Variants in ARHGAP32 observed in about 807,000 individuals in gnomAD.
The protein encoded by ARHGAP32 is Rho GTPase activating protein 32.
In ARHGAP32, 51 loss-of-function variants were observed where a neutral mutation model predicts 186.5. The observed-to-expected ratio is 0.27, with a 90% CI of 0.22 to 0.35. The LOEUF (loss-of-function observed/expected upper bound fraction) is 0.35. Ranked by LOEUF, ARHGAP32 falls within the 10% of genes least tolerant of loss-of-function variation. The pLI, the probability that ARHGAP32 is intolerant of heterozygous loss-of-function variation, is 1.00. For missense variants in ARHGAP32, 2,186 were observed against 2,623.5 expected, an observed-to-expected ratio of 0.83 and a Z score of 3.64; for synonymous variants, 950 against 964.3, an observed-to-expected ratio of 0.99 and a Z score of 0.27.
chr11:129,115,443 A>G (rs1020652739), intron 5 of ARHGAP32, among the ~76,000 whole-genome samples: 1 of 152,128 alleles, frequency 6.6e-6, no homozygotes, highest in African/African-American at 2.4e-5. Context: ...CAGAATGGGA[A>G]TAGAGCACTG....
chr11:129,064,349 C>G (rs929382837), intron 8 of ARHGAP32, among the ~76,000 whole-genome samples: 2 of 152,092 alleles, frequency 1.3e-5, no homozygotes, highest in African/African-American at 4.8e-5. Context: ...GCCCATAGTT[C>G]TATATTCTTT....
chr11:129,245,656 AAATAAT>A (rs56047154), intron 1 of ARHGAP32, among the ~76,000 whole-genome samples: 17,173 of 146,010 alleles, frequency 0.12, 1,083 homozygotes, highest in African/African-American at 0.15. Flanking sequence ...CAACAGATTA[AAATAAT>A]AATAATAATA....
At chr11:129,218,412 A>G (rs1944671633) in intron 1 of ARHGAP32, among the ~76,000 whole-genome samples, 1 of 151,164 alleles carries the variant, frequency 6.6e-6, no homozygotes, top group East Asian at 2.0e-4. Flanking sequence ...ATGGTTCCCT[A>G]CACCTTCAAT....
chr11:129,182,485 T>C (rs889749413), intron 1 of ARHGAP32, among the ~76,000 whole-genome samples: 2 of 152,020 alleles, frequency 1.3e-5, no homozygotes, highest in Admixed American at 6.6e-5. Context: ...TTATATATTG[T>C]AATGTAGATA....
chr11:129,051,972 A>G (rs1353039134), intron 10 of ARHGAP32, among the ~76,000 whole-genome samples: 1 of 150,470 alleles, frequency 6.6e-6, no homozygotes, highest in East Asian at 2.0e-4. Context: ...AAAAAAAAAA[A>G]AAAAAAAAGA....
At chr11:129,161,456 A>G (rs2135480586) in intron 2 of ARHGAP32, among the ~76,000 whole-genome samples, 1 of 150,750 alleles carries the variant, frequency 6.6e-6, no homozygotes, top group African/African-American at 2.4e-5. Flanking sequence ...AAACAAATTT[A>G]CAAGAAAAAA....
intron 1 of ARHGAP32, among the ~76,000 whole-genome samples, chr11:129,172,164 T>A (rs1342459833): frequency 6.6e-6 from 1 of 152,202 alleles, no homozygotes; most frequent in East Asian, 1.9e-4. Context: ...CTTTATTTCT[T>A]TCTCTTGCCT....
chr11:129,273,188 T>C (rs184468682), intron 1 of ARHGAP32, among the ~76,000 whole-genome samples: 61 of 152,332 alleles, frequency 4.0e-4, no homozygotes, highest in African/African-American at 1.3e-3. Context: ...TAAAATAGTT[T>C]GTCTCCCCAT....
intron 11 of ARHGAP32, among the ~76,000 whole-genome samples, chr11:129,025,396 A>G (rs1469363206): frequency 6.6e-6 from 1 of 152,208 alleles, no homozygotes; most frequent in Non-Finnish European, 1.5e-5. Flanking sequence ...CAATAAATTT[A>G]TGTGATTTTA....
At chr11:128,971,479 C>G (rs1945372676) in intron 22 of ARHGAP32, 2 of 262,934 alleles carry the variant, frequency 7.6e-6, no homozygotes, top group Non-Finnish European at 1.4e-5. Flanking sequence ...TGCTGTAGAG[C>G]TTAAAAATAC....
chr11:129,222,863 G>C (rs762633574), intron 1 of ARHGAP32, among the ~76,000 whole-genome samples: 1 of 152,134 alleles, frequency 6.6e-6, no homozygotes, highest in Non-Finnish European at 1.5e-5. Context: ...CTGGAGTCGG[G>C]AGATGCTGTA....
intron 1 of ARHGAP32, among the ~76,000 whole-genome samples, chr11:129,239,523 A>G (rs1944986816): frequency 6.6e-6 from 1 of 152,174 alleles, no homozygotes; most frequent in African/African-American, 2.4e-5. Flanking sequence ...CCTTTTAGTT[A>G]GTTCACCTAG....
intron 1 of ARHGAP32, among the ~76,000 whole-genome samples, chr11:129,216,049 G>C (rs1399587987): frequency 1.3e-5 from 2 of 152,148 alleles, no homozygotes; most frequent in Non-Finnish European, 2.9e-5. Flanking sequence ...CCAGAAACAA[G>C]AAAAGGCAAG....
At chr11:129,014,589 G>A (rs1938240465) in intron 11 of ARHGAP32, among the ~76,000 whole-genome samples, 1 of 152,130 alleles carries the variant, frequency 6.6e-6, no homozygotes, top group Non-Finnish European at 1.5e-5. Flanking sequence ...CAAATTTTAG[G>A]AAAGGTAAAA....
At chr11:129,017,194 G>A (rs1938386629) in intron 11 of ARHGAP32, among the ~76,000 whole-genome samples, 1 of 152,120 alleles carries the variant, frequency 6.6e-6, no homozygotes, top group African/African-American at 2.4e-5. Context: ...GGTGGCTCAT[G>A]CCTGTAATCC....
intron 1 of ARHGAP32, among the ~76,000 whole-genome samples, chr11:129,265,014 T>C (rs1310202619): frequency 6.6e-6 from 1 of 152,160 alleles, no homozygotes. Context: ...AAAATCAGCA[T>C]GAAAACCTAA....
At position 129,063,914 on chromosome 11, in the gene ARHGAP32, T is replaced by C. The variant is rs769780842; in HGVS notation, c.873A>G (p.Glu291=). 2.1e-5 allele frequency: 33 copies of C among 1,608,506 alleles called. No individual in the cohort carries two copies. In the Middle Eastern group the frequency reaches 6.6e-4, roughly 32 times the overall value. ...TTTAACTATTTACCTCTAAGGTCAGTTCGTCAGGGGCCCGAGCAGTGTACC... is the reference window on the plus strand; with the variant it reads ...TTTAACTATTTACCTCTAAGGTCAGCTCGTCAGGGGCCCGAGCAGTGTACC... ...IKRYTARAPD[E]LTLEVGDIVS... Residue 291 remains glutamate (E), a synonymous_variant, in exon 9 of 23, where the codon GAA becomes GAG. Transcript: ENST00000682385.
chr11:129,226,304 T>C (rs1486554559), intron 1 of ARHGAP32, among the ~76,000 whole-genome samples: 2 of 151,656 alleles, frequency 1.3e-5, no homozygotes, highest in Non-Finnish European at 2.9e-5. Flanking sequence ...CCAAGTAGGA[T>C]AAACTCAAAA....
At chr11:129,246,264 C>T (rs1205113201) in intron 1 of ARHGAP32, among the ~76,000 whole-genome samples, 2 of 152,060 alleles carry the variant, frequency 1.3e-5, no homozygotes, top group African/African-American at 4.8e-5. Context: ...CTATTTCATA[C>T]AGAGAAACGT....
Sources: gnomAD v4.1 joint callset for allele counts (sites outside exome capture counted in the v4.1 genomes callset) on GRCh38, gnomAD v4.1.1 for gene constraint, MANE v1.5 for transcripts, NCBI Gene and HGNC (gene_info 2026-07-23, HGNC 2026-07-21) for gene names.